TAFA1: variants seen among roughly 807,000 people sequenced by gnomAD.
TAFA1 encodes chemokine-like protein TAFA-1.
A neutral mutation model predicts 18.5 loss-of-function variants in TAFA1; 4 were observed. The observed-to-expected ratio is 0.22, with a 90% CI of 0.11 to 0.49. The LOEUF (loss-of-function observed/expected upper bound fraction) is 0.49. Ranked by LOEUF, TAFA1 falls within the 20% of genes least tolerant of loss-of-function variation. The pLI, the probability that TAFA1 is intolerant of heterozygous loss-of-function variation, is 0.98. For missense variants in TAFA1, 147 were observed against 169.0 expected, an observed-to-expected ratio of 0.87 and a Z score of 0.72; for synonymous variants, 56 against 55.2, an observed-to-expected ratio of 1.01 and a Z score of -0.06.
chr3:68,025,472 G>A (rs1704794566), intron 2 of TAFA1, among the ~76,000 whole-genome samples: 2 of 152,102 alleles, frequency 1.3e-5, no homozygotes, highest in African/African-American at 2.4e-5. Context: ...AAGTTAGTCA[G>A]GTCTTGTCAG....
intron 2 of TAFA1, among the ~76,000 whole-genome samples, chr3:68,365,665 T>C (rs2069553579): frequency 6.6e-6 from 1 of 152,140 alleles, no homozygotes; most frequent in South Asian, 2.1e-4. Context: ...AAGAAAGAGA[T>C]GTTTAATGGA....
chr3:68,143,176 C>T (rs961639417), intron 2 of TAFA1, among the ~76,000 whole-genome samples: 3 of 152,106 alleles, frequency 2.0e-5, no homozygotes, highest in African/African-American at 7.2e-5. Flanking sequence ...AAATATAAAA[C>T]ATTTTAAATA....
intron 2 of TAFA1, among the ~76,000 whole-genome samples, chr3:68,010,120 A>G (rs1020841518): frequency 3.9e-5 from 6 of 152,228 alleles, no homozygotes; most frequent in African/African-American, 1.4e-4. Context: ...TATCTGGGAA[A>G]TGTGGAAAAT....
At chr3:68,334,931 C>T (rs563318400) in intron 2 of TAFA1, among the ~76,000 whole-genome samples, 2 of 152,230 alleles carry the variant, frequency 1.3e-5, no homozygotes, top group African/African-American at 4.8e-5. Context: ...TTTCATTAGC[C>T]AGTAGTAGTC....
chr3:68,296,653 T>G lies in TAFA1; in HGVS notation c.119-120627T>G, dbSNP rs75188285. The stretch of plus-strand genomic sequence containing the variant: ...GGTCTCTCTTGAAGTGACTAGTCTC[T>G]ATGGATACACTTCCTGTTTCAACAT... On this transcript the variant is annotated intron_variant, in intron 2 of 4. Transcript: ENST00000478136. Among the ~76,000 whole-genome samples the G allele has an allele frequency of 8.0e-3, 1,216 of 152,276 alleles. 55 individuals carry two copies. In the East Asian group the frequency reaches 0.14, roughly 17 times the overall value.
At chr3:68,234,009 G>A (rs938755862) in intron 2 of TAFA1, among the ~76,000 whole-genome samples, 14 of 152,198 alleles carry the variant, frequency 9.2e-5, no homozygotes, top group Non-Finnish European at 1.6e-4. Flanking sequence ...CAAGCCAGGA[G>A]ATCCCTGTTG....
chr3:68,100,745 A>G (rs942348515), intron 2 of TAFA1, among the ~76,000 whole-genome samples: 2 of 152,252 alleles, frequency 1.3e-5, no homozygotes, highest in South Asian at 4.1e-4. Flanking sequence ...CTTGTGTTTC[A>G]GATACTCTGC....
At chr3:68,268,111 C>T (rs1026455767) in intron 2 of TAFA1, among the ~76,000 whole-genome samples, 1 of 152,106 alleles carries the variant, frequency 6.6e-6, no homozygotes, top group African/African-American at 2.4e-5. Context: ...TTTTCAGAAT[C>T]ATACTGTTAG....
chr3:68,167,958 A>G (rs575370136), intron 2 of TAFA1, among the ~76,000 whole-genome samples: 31 of 152,228 alleles, frequency 2.0e-4, no homozygotes, highest in African/African-American at 6.7e-4. Context: ...TTTTTTAAGA[A>G]TCTGTGAAGA....
intron 2 of TAFA1, among the ~76,000 whole-genome samples, chr3:68,029,061 T>A (rs1704877801): frequency 6.6e-6 from 1 of 152,130 alleles, no homozygotes; most frequent in Admixed American, 6.6e-5. Context: ...CTAGCCTCAC[T>A]CTTAACAGAA....
intron 2 of TAFA1, among the ~76,000 whole-genome samples, chr3:68,339,948 C>A (rs1251991426): frequency 1.3e-5 from 2 of 152,232 alleles, no homozygotes; most frequent in Non-Finnish European, 2.9e-5. Context: ...ACAGCTCCCA[C>A]AACCATCTTC....
At chr3:68,007,576 T>A (rs908786353) in intron 2 of TAFA1, among the ~76,000 whole-genome samples, 5 of 151,914 alleles carry the variant, frequency 3.3e-5, no homozygotes, top group African/African-American at 1.2e-4. Context: ...ATCCTTCTAC[T>A]ACTCACCCCG....
At chr3:68,109,852 A>G (rs545678736) in intron 2 of TAFA1, among the ~76,000 whole-genome samples, 1 of 152,224 alleles carries the variant, frequency 6.6e-6, no homozygotes, top group African/African-American at 2.4e-5. Flanking sequence ...AAGAAGTCTG[A>G]TGTTAGAAAA....
chr3:68,533,784 G>A (rs1361255933), intron 3 of TAFA1, among the ~76,000 whole-genome samples: 1 of 152,084 alleles, frequency 6.6e-6, no homozygotes, highest in African/African-American at 2.4e-5. Context: ...CTTCTATCTT[G>A]CACTTATCTG....
At chr3:68,420,058 C>T (rs982474558) in intron 3 of TAFA1, among the ~76,000 whole-genome samples, 2 of 152,112 alleles carry the variant, frequency 1.3e-5, no homozygotes, top group African/African-American at 4.8e-5. Flanking sequence ...TGATTCTAAT[C>T]TCTCTCAGCA....
chr3:68,217,066 G>A (rs1009505246), intron 2 of TAFA1, among the ~76,000 whole-genome samples: 2 of 152,040 alleles, frequency 1.3e-5, no homozygotes, highest in South Asian at 4.1e-4. Flanking sequence ...CTTCTGAAGT[G>A]TAAAGGATGG....
intron 2 of TAFA1, among the ~76,000 whole-genome samples, chr3:68,125,745 C>T (rs375386879): frequency 2.6e-5 from 4 of 152,320 alleles, no homozygotes; most frequent in African/African-American, 9.6e-5. Context: ...AGTGCTGTGG[C>T]AGCTCAGACT....
At chr3:68,341,663 G>A (rs2069086992) in intron 2 of TAFA1, among the ~76,000 whole-genome samples, 1 of 152,122 alleles carries the variant, frequency 6.6e-6, no homozygotes, top group Non-Finnish European at 1.5e-5. Flanking sequence ...TCCTTCTCAA[G>A]GTTAGTTCAG....
chr3:68,191,944 T>G (rs559152724), intron 2 of TAFA1, among the ~76,000 whole-genome samples: 1 of 151,966 alleles, frequency 6.6e-6, no homozygotes, highest in East Asian at 1.9e-4. Context: ...TTATTCACTT[T>G]CTTTGCTTCA....
Sources: allele counts gnomAD v4.1 joint callset (sites outside exome capture counted in the v4.1 genomes callset), GRCh38; gene constraint gnomAD v4.1.1; transcripts MANE v1.5; gene names NCBI Gene and HGNC (gene_info 2026-07-23, HGNC 2026-07-21).